RHOJ: variants seen among roughly 807,000 people sequenced by gnomAD.
RHOJ encodes the protein ras homolog family member J.
In RHOJ, 11 loss-of-function variants were observed where a neutral mutation model predicts 23.4. That is an observed-to-expected ratio of 0.47 (90% CI 0.30 to 0.78). RHOJ has a LOEUF of 0.78. RHOJ is among the 30% of genes least tolerant of loss of function. The pLI, the probability that RHOJ is intolerant of heterozygous loss-of-function variation, is 0.08. For missense variants in RHOJ, 254 were observed against 273.4 expected, an observed-to-expected ratio of 0.93 and a Z score of 0.50; for synonymous variants, 102 against 102.7, an observed-to-expected ratio of 0.99 and a Z score of 0.04.
chr14:63,261,105 T>C (rs572208705), intron 1 of RHOJ, among the ~76,000 whole-genome samples: 4 of 152,358 alleles, frequency 2.6e-5, no homozygotes, highest in African/African-American at 9.6e-5. Flanking sequence ...GTATTTCTTC[T>C]CTTCGTCATT....
intron 2 of RHOJ, among the ~76,000 whole-genome samples, chr14:63,273,484 G>A (rs959369737): frequency 3.3e-5 from 5 of 152,216 alleles, no homozygotes; most frequent in African/African-American, 1.2e-4. Flanking sequence ...CTTCAGGAGA[G>A]ACCAAGTGGA....
At chr14:63,241,004 T>C (rs1229120968) in intron 1 of RHOJ, among the ~76,000 whole-genome samples, 1 of 152,206 alleles carries the variant, frequency 6.6e-6, no homozygotes, top group Non-Finnish European at 1.5e-5. Context: ...TTTCCCTTGC[T>C]TTCTCCCCAG....
At chr14:63,205,379 G>A (rs1383889748) in intron 1 of RHOJ, among the ~76,000 whole-genome samples, 2 of 152,088 alleles carry the variant, frequency 1.3e-5, no homozygotes, top group African/African-American at 4.8e-5. Context: ...AAATGCAGTG[G>A]AATTGCATCA....
intron 1 of RHOJ, among the ~76,000 whole-genome samples, chr14:63,237,415 C>G (rs1405476743): frequency 1.3e-5 from 2 of 152,086 alleles, no homozygotes; most frequent in Non-Finnish European, 2.9e-5. Flanking sequence ...ACACTTGAAA[C>G]AGTATAAATG....
At chr14:63,282,292 A>ACACG (rs1367458680) in intron 3 of RHOJ, among the ~76,000 whole-genome samples, 3 of 119,736 alleles carry the variant, frequency 2.5e-5, no homozygotes, top group Non-Finnish European at 5.0e-5. Flanking sequence ...ACATGCACAC[A>ACACG]CACACACACA....
At chr14:63,208,342 C>T (rs1894159352) in intron 1 of RHOJ, among the ~76,000 whole-genome samples, 2 of 152,200 alleles carry the variant, frequency 1.3e-5, no homozygotes, top group South Asian at 4.1e-4. Context: ...CCTGTTCCAT[C>T]TCCAATCCAG....
intron 1 of RHOJ, 133 bp from the exon 2 acceptor site, chr14:63,268,977 G>A (rs1895415978): frequency 1.6e-6 from 1 of 633,118 alleles, no homozygotes; most frequent in Non-Finnish European, 2.8e-6. Flanking sequence ...ACTTGGTTTA[G>A]AATGTACATG....
chr14:63,262,375 C>T (rs1444305800), intron 1 of RHOJ, among the ~76,000 whole-genome samples: 2 of 152,086 alleles, frequency 1.3e-5, no homozygotes, highest in African/African-American at 4.8e-5. Flanking sequence ...TACCAAGTCA[C>T]AAAATTAACC....
intron 1 of RHOJ, among the ~76,000 whole-genome samples, chr14:63,241,494 G>C (rs970607209): frequency 1.3e-5 from 2 of 152,134 alleles, no homozygotes; most frequent in Non-Finnish European, 2.9e-5. Context: ...GTGGTTTCAA[G>C]GGAAGGTTTA....
intron 1 of RHOJ, among the ~76,000 whole-genome samples, chr14:63,253,488 C>T (rs776752680): frequency 4.5e-4 from 69 of 152,112 alleles, no homozygotes; most frequent in Non-Finnish European, 9.0e-4. Flanking sequence ...GCCTTGGCCT[C>T]CCAAAGTGCC....
intron 1 of RHOJ, among the ~76,000 whole-genome samples, chr14:63,216,177 G>A (rs1299517844): frequency 1.3e-5 from 2 of 152,170 alleles, no homozygotes; most frequent in Non-Finnish European, 2.9e-5. Flanking sequence ...TGAGTTCTGA[G>A]TGATTTAGCT....
intron 4 of RHOJ, chr14:63,284,392 T>C (rs1882013370): frequency 1.0e-6 from 1 of 964,470 alleles, no homozygotes; most frequent in African/African-American, 1.8e-5. Flanking sequence ...GGATCCTAAG[T>C]ACTTAATAAT....
intron 1 of RHOJ, among the ~76,000 whole-genome samples, chr14:63,249,047 A>G (rs557191582): frequency 6.6e-6 from 1 of 152,232 alleles, no homozygotes; most frequent in Non-Finnish European, 1.5e-5. Flanking sequence ...GACATGGGAT[A>G]TACAACAGGT....
chr14:63,235,006 C>T (rs1894763503), intron 1 of RHOJ, among the ~76,000 whole-genome samples: 1 of 152,084 alleles, frequency 6.6e-6, no homozygotes, highest in Non-Finnish European at 1.5e-5. Context: ...TGTTATGTTT[C>T]CTGCCAAGTT....
At chr14:63,274,605 T>C (rs1231153623) in intron 2 of RHOJ, among the ~76,000 whole-genome samples, 1 of 152,202 alleles carries the variant, frequency 6.6e-6, no homozygotes, top group Non-Finnish European at 1.5e-5. Context: ...ACGGACTCTT[T>C]TACTGGATCA....
At chr14:63,239,199 C>A (rs1288322476) in intron 1 of RHOJ, among the ~76,000 whole-genome samples, 1 of 152,142 alleles carries the variant, frequency 6.6e-6, no homozygotes, top group Non-Finnish European at 1.5e-5. Flanking sequence ...GCAACCTCCG[C>A]CTCCCAGATT....
intron 1 of RHOJ, among the ~76,000 whole-genome samples, chr14:63,217,463 G>A (rs1187292952): frequency 2.6e-5 from 4 of 151,960 alleles, no homozygotes; most frequent in African/African-American, 9.7e-5. Flanking sequence ...TTAATAAATG[G>A]TGCTGGGAAA....
chr14:63,251,303 A>G (rs1895066949), intron 1 of RHOJ, among the ~76,000 whole-genome samples: 1 of 152,190 alleles, frequency 6.6e-6, no homozygotes, highest in Non-Finnish European at 1.5e-5. Flanking sequence ...GAAAAGAAGT[A>G]TGTTTTATTG....
Position 63,242,275 on chromosome 14 carries a change from G to C in RHOJ, c.179-26835G>C, listed in dbSNP as rs574805955. Among the ~76,000 whole-genome samples the C allele has an allele frequency of 6.6e-5, 10 of 152,234 alleles. No individual in the cohort carries two copies. The South Asian group carries it at 1.7e-3, about 25-fold the overall frequency. ...CTCTGGCAAATGATTAAAAATTAAA[G>C]GTTCCATTTCCTATTGAGTTTTATA... is the stretch of plus-strand genomic sequence containing the variant. On this transcript the variant is annotated intron_variant, in intron 1 of 4. Coordinates refer to ENST00000316754, the MANE Select transcript of RHOJ (RefSeq NM_020663.5).
Sources: gnomAD v4.1 joint callset for allele counts (sites outside exome capture counted in the v4.1 genomes callset) on GRCh38, gnomAD v4.1.1 for gene constraint, MANE v1.5 for transcripts, NCBI Gene and HGNC (gene_info 2026-07-23, HGNC 2026-07-21) for gene names.